The following SEMA3A variants were observed in gnomAD, a reference collection of about 807,000 sequenced individuals.
SEMA3A encodes the protein semaphorin 3A, also known as semaphorin-3A.
A neutral mutation model predicts 97.9 loss-of-function variants in SEMA3A; 29 were observed. The observed-to-expected ratio is 0.30, with a 90% CI of 0.22 to 0.40. The LOEUF is 0.40. SEMA3A is among the 10% of genes least tolerant of loss of function. The pLI, the probability that SEMA3A is intolerant of heterozygous loss-of-function variation, is 1.00. For synonymous variants in SEMA3A, 321 were observed against 323.7 expected, an observed-to-expected ratio of 0.99 and a Z score of 0.09; for missense variants, 763 against 951.3, an observed-to-expected ratio of 0.80 and a Z score of 2.60.
intron 4 of SEMA3A, among the ~76,000 whole-genome samples, chr7:84,092,903 G>A (rs1284342496): frequency 1.3e-5 from 2 of 151,864 alleles, no homozygotes; most frequent in Non-Finnish European, 2.9e-5. Flanking sequence ...TTTATTTTCT[G>A]TTAGGTCATA....
intron 6 of SEMA3A, among the ~76,000 whole-genome samples, chr7:84,022,416 T>C (rs1275937279): frequency 1.3e-5 from 2 of 152,178 alleles, no homozygotes; most frequent in Non-Finnish European, 2.9e-5. Flanking sequence ...CTGTGGCCCA[T>C]TAAAGTAGAG....
intron 3 of SEMA3A, among the ~76,000 whole-genome samples, chr7:84,234,045 T>G (rs1799177698): frequency 6.6e-6 from 1 of 152,068 alleles, no homozygotes; most frequent in Admixed American, 6.6e-5. Flanking sequence ...ATTTGTTTAT[T>G]ATAATGAAAA....
chr7:84,289,985 A>G (rs926537531), intron 3 of SEMA3A, among the ~76,000 whole-genome samples: 6 of 152,142 alleles, frequency 3.9e-5, no homozygotes, highest in Non-Finnish European at 5.9e-5. Flanking sequence ...GAACTTTGAA[A>G]ACATGCTAAG....
chr7:84,067,037 GT>G (rs1195699824), intron 4 of SEMA3A, among the ~76,000 whole-genome samples: 1 of 152,158 alleles, frequency 6.6e-6, no homozygotes. Context: ...CAAGGCTACA[GT>G]AACCAAAACA....
chr7:84,311,093 ATCTTATCT>A (rs1237604801), intron 2 of SEMA3A, among the ~76,000 whole-genome samples: 1 of 151,854 alleles, frequency 6.6e-6, no homozygotes, highest in Non-Finnish European at 1.5e-5. Flanking sequence ...ATTTCAAACA[ATCTTATCT>A]TTAAACATGC....
At chr7:83,987,078 T>G (rs1789665687) in intron 12 of SEMA3A, among the ~76,000 whole-genome samples, 1 of 150,670 alleles carries the variant, frequency 6.6e-6, no homozygotes, top group Admixed American at 6.6e-5. Context: ...ACCTGTATAT[T>G]TATACACATC....
rs572715844 is a variant in SEMA3A, at chr7:83,958,920, C to T, written c.*2451G>A. On this transcript the variant is annotated 3_prime_UTR_variant, in exon 17 of 17. Transcript: ENST00000265362. ...TGATGATTCATGCATATGACAAAGT[C>T]TATTTAAAGCTGAATTATTAAATGG... The T allele has an allele frequency of 1.3e-5, 2 of 152,074 alleles. No individual in the cohort carries two copies. The highest frequency in any genetic ancestry group is 2.9e-5 in the Non-Finnish European group (2 of 67,936). The allele number at this position is 152,074 out of a possible 1,614,324, so 9.4% of individuals were successfully genotyped here.
chr7:84,379,047 C>T (rs941179518), intron 1 of SEMA3A, among the ~76,000 whole-genome samples: 12 of 152,016 alleles, frequency 7.9e-5, no homozygotes, highest in Non-Finnish European at 1.6e-4. Flanking sequence ...CCTGCCTCAG[C>T]CTCCTGAGTA....
rs1802789242 is a variant in SEMA3A at position 84,364,199 on chromosome 7, T to C, written c.-169+7625A>G. Reference sequence around the variant, plus strand: ...ACTGATAAACATAAACAAAACCTTTTAGGAACCTCAGTGATTTTTTAAGAA... The same window carrying C: ...ACTGATAAACATAAACAAAACCTTTCAGGAACCTCAGTGATTTTTTAAGAA... On this transcript the variant is annotated intron_variant, in intron 2 of 3. Transcript: ENST00000424555. Among the ~76,000 whole-genome samples, 4 of 151,802 alleles carry C rather than the reference T, an allele frequency of 2.6e-5. No homozygotes were observed. The South Asian group carries it at 8.3e-4, about 31-fold the overall frequency.
At chr7:84,143,464 TAAC>T (rs143829088) in intron 1 of SEMA3A, among the ~76,000 whole-genome samples, 26,009 of 152,006 alleles carry the variant, frequency 0.17, 2,367 homozygotes, top group South Asian at 0.23. Flanking sequence ...AGCAAAGGGT[TAAC>T]AAATCATAGA....
At chr7:84,245,397 T>C (rs1006798628) in intron 3 of SEMA3A, among the ~76,000 whole-genome samples, 1 of 152,016 alleles carries the variant, frequency 6.6e-6, no homozygotes, top group Non-Finnish European at 1.5e-5. Context: ...TTGATACTTG[T>C]GTATGCTTCA....
intron 3 of SEMA3A, among the ~76,000 whole-genome samples, chr7:84,228,375 T>C (rs1381846238): frequency 2.0e-5 from 3 of 152,084 alleles, no homozygotes; most frequent in Non-Finnish European, 2.9e-5. Flanking sequence ...ACTAAGAAAC[T>C]GATTTTCATT....
chr7:84,180,008 G>A (rs575594074), intron 1 of SEMA3A, among the ~76,000 whole-genome samples: 8 of 142,702 alleles, frequency 5.6e-5, no homozygotes, highest in East Asian at 2.1e-4. Context: ...TTGTTGTGGC[G>A]CGATCTCGGC....
intron 9 of SEMA3A, among the ~76,000 whole-genome samples, chr7:84,009,807 GGGGAAGGAAGAA>G (rs1194553757): frequency 6.6e-6 from 1 of 151,130 alleles, no homozygotes; most frequent in Non-Finnish European, 1.5e-5. Context: ...GGAAGTAGAA[GGGGAAGGAAGAA>G]GGGAAGGAGC....
rs370986046 is a variant in SEMA3A, at chr7:84,005,288, G to A, written c.1360+51C>T. ...AGATGTTCAAAGATCAACTTAATCAGTTAAACATAGTGTTCGGAAAAAAGT... is the reference window on the plus strand; with the variant it reads ...AGATGTTCAAAGATCAACTTAATCAATTAAACATAGTGTTCGGAAAAAAGT... On this transcript the variant is annotated intron_variant, in intron 11 of 16. Coordinates refer to ENST00000265362, the MANE Select transcript of SEMA3A (RefSeq NM_006080.3). 29 of 1,315,314 alleles carry A rather than the reference G, an allele frequency of 2.2e-5. No homozygotes were observed. The Admixed American group carries it at 2.7e-4, about 12-fold the overall frequency. 81.5% of individuals were successfully genotyped at this position (1,315,314 alleles called of 1,614,324 possible).
chr7:84,340,983 A>C (rs1310122183), intron 2 of SEMA3A, among the ~76,000 whole-genome samples: 1 of 152,152 alleles, frequency 6.6e-6, no homozygotes, highest in African/African-American at 2.4e-5. Context: ...TCCTCCATAA[A>C]AATATTTGGT....
intron 2 of SEMA3A, among the ~76,000 whole-genome samples, chr7:84,368,696 A>C (rs926380413): frequency 6.6e-6 from 1 of 150,856 alleles, no homozygotes; most frequent in African/African-American, 2.4e-5. Context: ...TAACATATAA[A>C]ATGCATGTTA....
rs1011438270 is a variant in SEMA3A at position 84,491,714 on chromosome 7, A to G, written c.-246+746T>C. Among the ~76,000 whole-genome samples, 25 of 152,186 alleles carry G rather than the reference A, an allele frequency of 1.6e-4. 1 individual carries two copies. The highest frequency in any genetic ancestry group is 4.4e-5 in the Non-Finnish European group (3 of 68,028). On this transcript the variant is annotated intron_variant, in intron 1 of 3. Coordinates refer to the SEMA3A transcript ENST00000424555. ...GATCAAATCTGAACTTCAAGTTCAA[A>G]CATAGTTTAATGGTGAATCCAAAGT...
chr7:84,306,932 C>G (rs944496544), intron 3 of SEMA3A, among the ~76,000 whole-genome samples: 1 of 151,994 alleles, frequency 6.6e-6, no homozygotes, highest in African/African-American at 2.4e-5. Flanking sequence ...GTGAAATTCC[C>G]AAGTCTGGAG....
Sources: gnomAD v4.1 joint callset for allele counts (sites outside exome capture counted in the v4.1 genomes callset) on GRCh38, gnomAD v4.1.1 for gene constraint, MANE v1.5 for transcripts, NCBI Gene and HGNC (gene_info 2026-07-23, HGNC 2026-07-21) for gene names.